The following ARL15 variants were observed in gnomAD, a reference collection of about 807,000 sequenced individuals.
ARL15 encodes the protein ARF like GTPase 15.
ARL15 carries 19 observed loss-of-function variants against 25.2 expected under a neutral mutation model. The observed-to-expected ratio is 0.75, with a 90% CI of 0.53 to 1.10. The LOEUF (loss-of-function observed/expected upper bound fraction) is 1.10, where lower values mean the gene tolerates loss of function less well. Ranked by LOEUF, ARL15 falls within the 50% of genes least tolerant of loss-of-function variation. ARL15 has a pLI of 0.00. For missense variants in ARL15, 220 were observed against 246.0 expected, an observed-to-expected ratio of 0.89 and a Z score of 0.71; for synonymous variants, 94 against 86.8, an observed-to-expected ratio of 1.08 and a Z score of -0.46.
chr5:54,003,702 ATCT>A (rs1748926023), intron 4 of ARL15, among the ~76,000 whole-genome samples: 1 of 147,262 alleles, frequency 6.8e-6, no homozygotes, highest in African/African-American at 2.7e-5. Flanking sequence ...CTATCTATCT[ATCT>A]ATCTATCTAT....
intron 1 of ARL15, among the ~76,000 whole-genome samples, chr5:54,195,610 T>C (rs1270764176): frequency 6.6e-6 from 1 of 152,166 alleles, no homozygotes; most frequent in Non-Finnish European, 1.5e-5. Flanking sequence ...AATGAATAAG[T>C]TGATCAATCA....
chr5:53,895,439 A>G (rs747463852), intron 4 of ARL15, among the ~76,000 whole-genome samples: 20 of 152,300 alleles, frequency 1.3e-4, no homozygotes, highest in Non-Finnish European at 2.6e-4. Context: ...TAAGACCACA[A>G]GAACAAGCCA....
chr5:53,988,752 G>A (rs532039860), intron 4 of ARL15, among the ~76,000 whole-genome samples: 1 of 152,296 alleles, frequency 6.6e-6, no homozygotes, highest in South Asian at 2.1e-4. Flanking sequence ...TATAAAGGAT[G>A]AGAGAAAACC....
chr5:54,058,674 G>T (rs1750965296), intron 4 of ARL15, among the ~76,000 whole-genome samples: 1 of 152,206 alleles, frequency 6.6e-6, no homozygotes, highest in Non-Finnish European at 1.5e-5. Flanking sequence ...AAGCGGGACA[G>T]TGTGGCTGGA....
chr5:54,151,246 G>A (rs1174720004), intron 3 of ARL15, among the ~76,000 whole-genome samples: 2 of 152,140 alleles, frequency 1.3e-5, no homozygotes, highest in South Asian at 4.1e-4. Context: ...AGGTAGTTGA[G>A]AACAAGGCAT....
chr5:54,230,368 GAAAAGA>G lies in ARL15; in HGVS notation c.49-58446_49-58441del, dbSNP rs1394394695. Among the ~76,000 whole-genome samples the G allele has an allele frequency of 3.0e-4, 43 of 142,362 alleles. No individual in the cohort carries two copies. In the Middle Eastern group the frequency reaches 0.011, roughly 37 times the overall value. The allele number at this position is 142,362 out of a possible 152,430, so 93.4% of individuals were successfully genotyped here. ...TCAGAAAAAAAAAAAAAAAAGAAAA[GAAAAGA>G]AAAAGAAAAAGAAAGAATGAAAAGA... On this transcript the variant is annotated intron_variant, in intron 1 of 4. Coordinates refer to ENST00000504924, the MANE Select transcript of ARL15 (RefSeq NM_019087.3).
intron 4 of ARL15, among the ~76,000 whole-genome samples, chr5:53,925,702 G>A (rs1339438013): frequency 6.6e-6 from 1 of 152,058 alleles, no homozygotes; most frequent in Non-Finnish European, 1.5e-5. Context: ...TAGCTACTCT[G>A]GAGGCTAAGG....
intron 4 of ARL15, among the ~76,000 whole-genome samples, chr5:54,069,396 C>T (rs1254072002): frequency 6.6e-6 from 1 of 151,756 alleles, no homozygotes; most frequent in East Asian, 1.9e-4. Flanking sequence ...CATGGCGAAA[C>T]CCCGTCTCTA....
At chr5:53,971,932 T>C (rs1033261927) in intron 4 of ARL15, among the ~76,000 whole-genome samples, 3 of 152,238 alleles carry the variant, frequency 2.0e-5, no homozygotes, top group African/African-American at 7.2e-5. Flanking sequence ...TTAGGAATCA[T>C]CTATTATGCA....
At chr5:54,309,828 C>T (rs1758849880) in intron 1 of ARL15, among the ~76,000 whole-genome samples, 5 of 152,180 alleles carry the variant, frequency 3.3e-5, no homozygotes, top group Admixed American at 3.3e-4. Context: ...AACCGCGGCA[C>T]GCACCCAAGA....
At chr5:54,085,905 C>A (rs1430580873) in intron 4 of ARL15, among the ~76,000 whole-genome samples, 2 of 149,038 alleles carry the variant, frequency 1.3e-5, no homozygotes, top group African/African-American at 2.5e-5. Flanking sequence ...TGGCTCCAGG[C>A]ACCACACATG....
intron 4 of ARL15, among the ~76,000 whole-genome samples, chr5:53,981,436 C>G (rs6883658): frequency 6.6e-6 from 1 of 152,104 alleles, no homozygotes; most frequent in South Asian, 2.1e-4. Context: ...GTGCCTGAGT[C>G]TTTCTGGGAG....
At chr5:54,014,470 A>G (rs1749347206) in intron 4 of ARL15, among the ~76,000 whole-genome samples, 1 of 151,818 alleles carries the variant, frequency 6.6e-6, no homozygotes, top group South Asian at 2.1e-4. Flanking sequence ...CCTTCATCAG[A>G]ATTCCTCTTG....
intron 4 of ARL15, among the ~76,000 whole-genome samples, chr5:54,001,068 T>C (rs957966882): frequency 6.6e-6 from 1 of 152,242 alleles, no homozygotes; most frequent in Non-Finnish European, 1.5e-5. Flanking sequence ...TATATTTTAG[T>C]ACTTTTAATG....
At chr5:54,307,911 G>A (rs1444459137) in intron 1 of ARL15, 1 of 152,166 alleles carries the variant, frequency 6.6e-6, no homozygotes, top group East Asian at 1.9e-4. Context: ...GCAAAATCTG[G>A]AGTCAAACTT....
chr5:54,119,223 A>C (rs1443651169), intron 3 of ARL15, among the ~76,000 whole-genome samples: 1 of 152,150 alleles, frequency 6.6e-6, no homozygotes, highest in African/African-American at 2.4e-5. Flanking sequence ...AGAGGTGATT[A>C]AGTCACAAGG....
At chr5:53,998,993 A>G (rs889688726) in intron 4 of ARL15, among the ~76,000 whole-genome samples, 2 of 152,182 alleles carry the variant, frequency 1.3e-5, no homozygotes, top group African/African-American at 4.8e-5. Flanking sequence ...GCATTGGTGC[A>G]TTCACATTAA....
In ARL15 at chr5:54,291,659, G is replaced by C. The variant is rs181767740; in HGVS notation, c.48+18773C>G. Among the ~76,000 whole-genome samples the C allele has an allele frequency of 1.3e-3, 200 of 152,192 alleles. 1 individual carries two copies. The highest frequency in any genetic ancestry group is 1.9e-3 in the Non-Finnish European group (132 of 68,012). On this transcript the variant is annotated intron_variant, in intron 1 of 4. Transcript: ENST00000504924. ...TCACACCTAGTGAATCCAAAGCCAAGCCGCCCACATCTACTACTGGAATGT... is the reference window on the plus strand; with the variant it reads ...TCACACCTAGTGAATCCAAAGCCAACCCGCCCACATCTACTACTGGAATGT...
intron 1 of ARL15, among the ~76,000 whole-genome samples, chr5:54,204,034 T>C (rs911513216): frequency 3.3e-5 from 5 of 152,098 alleles, no homozygotes; most frequent in African/African-American, 1.2e-4. Context: ...TTTAATATTA[T>C]GGTTCTATAA....
Sources: allele counts gnomAD v4.1 joint callset (sites outside exome capture counted in the v4.1 genomes callset), GRCh38; gene constraint gnomAD v4.1.1; transcripts MANE v1.5; gene names NCBI Gene and HGNC (gene_info 2026-07-23, HGNC 2026-07-21).